PDXK: variants seen among roughly 807,000 people sequenced by gnomAD.
PDXK encodes the protein epididymis secretory sperm binding protein Li 1a.
Under a neutral mutation model 43.2 loss-of-function variants are expected in PDXK, and 15 were observed. The ratio of observed to expected loss-of-function variants is 0.35; its 90% CI spans 0.23 to 0.53. The LOEUF is 0.53. Ranked by LOEUF, PDXK falls within the 20% of genes least tolerant of loss-of-function variation. The pLI is 0.92. For synonymous variants in PDXK, 172 were observed against 165.4 expected, an observed-to-expected ratio of 1.04 and a Z score of -0.31; for missense variants, 343 against 417.0, an observed-to-expected ratio of 0.82 and a Z score of 1.54.
chr21:43,745,929 C>G, intron 4 of PDXK, 150 bp from the exon 5 acceptor site: 2 of 679,430 alleles, frequency 2.9e-6, no homozygotes, highest in Non-Finnish European at 5.4e-6. Flanking sequence ...CCTGGAAGAT[C>G]GAGGTTGCAG....
intron 1 of PDXK, among the ~76,000 whole-genome samples, chr21:43,733,247 A>AC (rs1568976417): frequency 5.4e-3 from 145 of 26,750 alleles, no homozygotes; most frequent in South Asian, 7.7e-3. Context: ...GCCCCTCCCC[A>AC]TCCCCACCCC....
chr21:43,719,830 C>T (rs958686693), intron 1 of PDXK: 1 of 985,344 alleles, frequency 1.0e-6, no homozygotes, highest in Non-Finnish European at 1.2e-6. Flanking sequence ...GAGCTCGAGA[C>T]GCTCGCGCGC....
intron 1 of PDXK, chr21:43,729,028 C>T (rs2083283401): frequency 1.0e-6 from 1 of 985,438 alleles, no homozygotes; most frequent in Non-Finnish European, 1.2e-6. Flanking sequence ...AGCCCCAATA[C>T]GTCACACGGA....
Position 43,732,257 on chromosome 21 carries a change from CAT to C in PDXK, c.88-1811_88-1810del, listed in dbSNP as rs1196036593. 5 of 1,494,796 alleles carry C rather than the reference CAT, an allele frequency of 3.3e-6. No homozygotes were observed. Among genetic ancestry groups the C allele is most frequent in the South Asian group, 2.7e-5 (2 of 73,398 alleles). The allele number at this position is 1,494,796 out of a possible 1,614,324, so 92.6% of individuals were successfully genotyped here. On this transcript the variant is annotated intron_variant, in intron 1 of 10. Transcript: ENST00000291565. The surrounding 1 kb of genome is among the most constrained non-coding windows in gnomAD (Gnocchi z 4.1). Reference sequence around the variant, plus strand: ...AGAGCGCTGGCTTCCAGCTGAAGGACATGTGTAACAGCAGGAGATACCTTTCT... The same window carrying C: ...AGAGCGCTGGCTTCCAGCTGAAGGACGTGTAACAGCAGGAGATACCTTTCT...
rs368431357 is a variant in PDXK, at chr21:43,735,326, G to A, written c.142+1203G>A. Among the ~76,000 whole-genome samples the A allele has an allele frequency of 7.9e-5, 12 of 152,368 alleles. No homozygotes were observed. In the East Asian group the frequency reaches 1.7e-3, roughly 22 times the overall value. On this transcript the variant is annotated intron_variant, in intron 2 of 10. Coordinates refer to ENST00000291565, the MANE Select transcript of PDXK (RefSeq NM_003681.5). This position sits in a 1 kb window ranked among gnomAD's most constrained non-coding sequence, Gnocchi z 5.3. ...GCAGGGTGTTGAGTGTGTTTCTGGGGACTGTGTTGGGCTCCGTCAGTGCTG... is the reference window on the plus strand; with the variant it reads ...GCAGGGTGTTGAGTGTGTTTCTGGGAACTGTGTTGGGCTCCGTCAGTGCTG...
chr21:43,719,144 C>A lies in PDXK; in HGVS notation c.-151C>A. ...GCCCGCTGAGGTCAGAAGGAGGCGTCTGCGCTGATCGGGTCCGCCGCGCGC... is the reference window on the plus strand; with the variant it reads ...GCCCGCTGAGGTCAGAAGGAGGCGTATGCGCTGATCGGGTCCGCCGCGCGC... On this transcript the variant is annotated 5_prime_UTR_variant, in exon 1 of 11. The change creates a new upstream start codon in the 5' untranslated region. Coordinates refer to ENST00000291565, the MANE Select transcript of PDXK (RefSeq NM_003681.5). 1 of 329,156 alleles carries A rather than the reference C, an allele frequency of 3.0e-6. No homozygotes were observed. The highest frequency in any genetic ancestry group is 5.3e-5 in the East Asian group (1 of 18,916). 20.4% of individuals were successfully genotyped at this position (329,156 alleles called of 1,614,324 possible).
chr21:43,734,160 C>A lies in PDXK; in HGVS notation c.142+37C>A. On this transcript the variant is annotated intron_variant, in intron 2 of 10. Coordinates refer to ENST00000291565, the MANE Select transcript of PDXK (RefSeq NM_003681.5). The surrounding 1 kb of genome is among the most constrained non-coding windows in gnomAD (Gnocchi z 5.0). Reference sequence around the variant, plus strand: ...GCTCCAGCAGCTGGCATAGAGCAGACTGTGGGTGTGAGGGACGGGGCGGAG... The same window carrying A: ...GCTCCAGCAGCTGGCATAGAGCAGAATGTGGGTGTGAGGGACGGGGCGGAG... 6.3e-7 allele frequency: 1 copy of A among 1,589,188 alleles called. No homozygotes were observed. Among genetic ancestry groups the A allele is most frequent in the Non-Finnish European group, 8.6e-7 (1 of 1,159,232 alleles).
At chr21:43,739,989 G>A (rs1403039170) in intron 2 of PDXK, among the ~76,000 whole-genome samples, 1 of 151,360 alleles carries the variant, frequency 6.6e-6, no homozygotes, top group Non-Finnish European at 1.5e-5. Flanking sequence ...GACCTCGCCC[G>A]CAGTGGATAC....
At chr21:43,719,805 G>A in intron 1 of PDXK, 3 of 985,492 alleles carry the variant, frequency 3.0e-6, no homozygotes, top group Non-Finnish European at 3.6e-6. Context: ...CCGCTGGAAC[G>A]CAGAAGCGGC....
intron 1 of PDXK, among the ~76,000 whole-genome samples, chr21:43,722,873 T>G (rs911093725): frequency 2.6e-5 from 4 of 152,260 alleles, no homozygotes; most frequent in African/African-American, 9.6e-5. Flanking sequence ...AGTCTTGCTG[T>G]GTTGCCCAGG....
At position 43,743,722 on chromosome 21, in the gene PDXK, A is replaced by G; in HGVS notation, c.248-2A>G. On this transcript the variant is annotated splice_acceptor_variant, in intron 3 of 10. Coordinates refer to ENST00000291565, the MANE Select transcript of PDXK (RefSeq NM_003681.5). LOFTEE classifies it high-confidence loss of function. Reference sequence around the variant, plus strand: ...AGGGTGACCTGGATTCTCCCCCTAAAGGTTATACGAGGGACAAGTCGTTCC... The same window carrying G: ...AGGGTGACCTGGATTCTCCCCCTAAGGGTTATACGAGGGACAAGTCGTTCC... 2.5e-6 allele frequency: 4 copies of G among 1,607,342 alleles called. No homozygotes were observed. Among genetic ancestry groups the G allele is most frequent in the Non-Finnish European group, 3.4e-6 (4 of 1,174,104 alleles).
intron 1 of PDXK, among the ~76,000 whole-genome samples, chr21:43,728,525 C>T (rs927119135): frequency 6.6e-5 from 10 of 152,186 alleles, no homozygotes; most frequent in Non-Finnish European, 1.5e-4. Context: ...CCACTCCTGC[C>T]GTTCTGAGTC....
At chr21:43,733,905 G>T (rs1336712717) in intron 1 of PDXK, among the ~76,000 whole-genome samples, 164 bp from the exon 2 acceptor site, 1 of 152,240 alleles carries the variant, frequency 6.6e-6, no homozygotes, top group Non-Finnish European at 1.5e-5. Flanking sequence ...GTGTGACTCG[G>T]GGAGAGCCTC....
At chr21:43,748,502 CAA>C in intron 5 of PDXK, 1 of 153,502 alleles carries the variant, frequency 6.5e-6, no homozygotes, top group Non-Finnish European at 1.5e-5. Flanking sequence ...CAAAACAAAA[CAA>C]AAAAGTGTTG....
At chr21:43,726,882 TGTG>T (rs2083259634) in intron 1 of PDXK, among the ~76,000 whole-genome samples, 1 of 151,998 alleles carries the variant, frequency 6.6e-6, no homozygotes, top group African/African-American at 2.4e-5. Context: ...TGGGTGTGCT[TGTG>T]TGTACATGGC....
At position 43,732,093 on chromosome 21, in the gene PDXK, C is replaced by T. The variant is rs2083326283; in HGVS notation, c.88-1976C>T. On this transcript the variant is annotated intron_variant, in intron 1 of 10. Coordinates refer to ENST00000291565, the MANE Select transcript of PDXK (RefSeq NM_003681.5). The surrounding 1 kb of genome is among the most constrained non-coding windows in gnomAD (Gnocchi z 4.1). ...CGCTGCCCCTGTGGGGAGAAGAGCC[C>T]CGGGGGAAGAAGAGCACTGCTGACA... 4 of 1,191,928 alleles carry T rather than the reference C, an allele frequency of 3.4e-6. No homozygotes were observed. The highest frequency in any genetic ancestry group is 1.6e-5 in the African/African-American group (1 of 64,450). The allele number at this position is 1,191,928 out of a possible 1,614,324, so 73.8% of individuals were successfully genotyped here. A position where few individuals can be genotyped will look rare whatever the true frequency, so the allele number is the denominator to read the frequency against.
rs1437514177 is a variant in PDXK, at chr21:43,755,715, C to G, written c.777C>G (p.Thr259=). 1.9e-6 allele frequency: 3 copies of G among 1,613,992 alleles called. No individual in the cohort carries two copies. ...PNNLKVACEK[T]VSTLHHVLQR... ...CCCTGCAGGTGGCCTGTGAGAAGAC[C>G]GTGTCTACCTTGCACCACGTTCTGC... Residue 259 remains threonine (T), a synonymous_variant, in exon 10 of 11, where the codon ACC becomes ACG. Transcript: ENST00000291565.
Position 43,737,741 on chromosome 21 carries a change from G to A in PDXK, c.142+3618G>A. On this transcript the variant is annotated intron_variant, in intron 2 of 10. Coordinates refer to ENST00000291565, the MANE Select transcript of PDXK (RefSeq NM_003681.5). The surrounding 1 kb of genome is among the most constrained non-coding windows in gnomAD (Gnocchi z 4.8). ...GGAGCCTGCCGACGGACACCAGCGA[G>A]GGGCCAGGCCGGGCCAGACTCCCTG... The A allele has an allele frequency of 2.1e-6, 2 of 960,988 alleles. No homozygotes were observed. The highest frequency in any genetic ancestry group is 2.5e-6 in the Non-Finnish European group (2 of 813,900). 59.5% of individuals were successfully genotyped at this position (960,988 alleles called of 1,614,324 possible). A position where few individuals can be genotyped will look rare whatever the true frequency, so the allele number is the denominator to read the frequency against.
intron 1 of PDXK, among the ~76,000 whole-genome samples, chr21:43,729,667 G>C (rs566631469): frequency 6.6e-6 from 1 of 152,308 alleles, no homozygotes; most frequent in East Asian, 1.9e-4. Context: ...GGCCGAGCAC[G>C]ATGGCTCACG....
Sources: gnomAD v4.1 joint callset for allele counts (sites outside exome capture counted in the v4.1 genomes callset) on GRCh38, gnomAD v4.1.1 for gene constraint, Gnocchi (gnomAD v3.1) non-coding constraint, MANE v1.5 for transcripts, NCBI Gene and HGNC (gene_info 2026-07-23, HGNC 2026-07-21) for gene names.